SS18: variants seen among roughly 807,000 people sequenced by gnomAD.
The protein encoded by SS18 is protein SSXT.
In SS18, 28 loss-of-function variants were observed where a neutral mutation model predicts 72.5. The observed-to-expected ratio is 0.39, with a 90% CI of 0.29 to 0.53. The LOEUF is 0.53. Ranked by LOEUF, SS18 falls within the 20% of genes least tolerant of loss-of-function variation. The pLI is 0.76. For synonymous variants in SS18, 172 were observed against 164.2 expected, an observed-to-expected ratio of 1.05 and a Z score of -0.37; for missense variants, 518 against 535.3, an observed-to-expected ratio of 0.97 and a Z score of 0.32.
rs1263964963 is a variant in SS18, at chr18:26,035,056, G to C, written c.1045C>G (p.Gln349Glu). 4 of 1,613,630 alleles carry C rather than the reference G, an allele frequency of 2.5e-6. No homozygotes were observed. The highest frequency in any genetic ancestry group is 3.4e-6 in the Non-Finnish European group (4 of 1,179,686). ...CCTTGCTGCCCTGGGTACTGCTGCTGCTGGGGTGGATATCCCTGTTGTGGA... is the reference window on the plus strand; with the variant it reads ...CCTTGCTGCCCTGGGTACTGCTGCTCCTGGGGTGGATATCCCTGTTGTGGA... ...PPPQQGYPPQ[Q>E]QQYPGQQGYP... Residue 349 changes from glutamine to glutamate, a missense_variant, in exon 9 of 11, where the codon CAG becomes GAG. Coordinates refer to ENST00000415083, the MANE Select transcript of SS18 (RefSeq NM_001007559.3). This position sits in a 1 kb window ranked among gnomAD's most constrained non-coding sequence, Gnocchi z 4.4.
intron 3 of SS18, among the ~76,000 whole-genome samples, chr18:26,076,951 T>C (rs2054424776): frequency 6.6e-6 from 1 of 152,016 alleles, no homozygotes; most frequent in Non-Finnish European, 1.5e-5. Flanking sequence ...GCATTTATCA[T>C]GACTTTCCTA....
At chr18:26,038,052 A>T (rs970556560) in intron 7 of SS18, among the ~76,000 whole-genome samples, 6 of 152,138 alleles carry the variant, frequency 3.9e-5, no homozygotes, top group African/African-American at 1.4e-4. Context: ...AGTCTCCCAA[A>T]TTTTTCTCAA....
At chr18:26,047,792 G>A (rs543791272) in intron 5 of SS18, among the ~76,000 whole-genome samples, 8 of 149,238 alleles carry the variant, frequency 5.4e-5, no homozygotes, top group East Asian at 2.0e-4. Context: ...GCAGTGAACC[G>A]AGATCATGCC....
chr18:26,081,247 T>G (rs959415697), intron 2 of SS18: 6 of 152,178 alleles, frequency 3.9e-5, no homozygotes, highest in Admixed American at 3.9e-4. Flanking sequence ...TGGAGTGCAG[T>G]GGTGCGATCT....
In SS18 at chr18:26,066,600, G is replaced by GCGCGCA. The variant is rs148515889; in HGVS notation, c.232-8859_232-8858insTGCGCG. ...TTTTAATATAGTTCTGGAAATTTGT[G>GCGCGCA]CACACACACACACACACACACACAC... On this transcript the variant is annotated intron_variant, in intron 3 of 10. Transcript: ENST00000415083. 6.6e-4 allele frequency among the ~76,000 whole-genome samples: 95 copies of GCGCGCA among 144,332 alleles called. 2 individuals carry two copies. The highest frequency in any genetic ancestry group is 4.9e-4 in the African/African-American group (19 of 38,896). 94.7% of individuals were successfully genotyped at this position (144,332 alleles called of 152,430 possible). A position where few individuals can be genotyped will look rare whatever the true frequency, so the allele number is the denominator to read the frequency against.
intron 3 of SS18, among the ~76,000 whole-genome samples, chr18:26,058,469 C>T (rs558399526): frequency 2.0e-5 from 3 of 152,352 alleles, no homozygotes; most frequent in African/African-American, 4.8e-5. Flanking sequence ...CGGTTAGTTT[C>T]GCTCCAATCC....
At chr18:26,036,027 A>T in intron 7 of SS18, 104 bp from the exon 8 acceptor site, 1 of 765,422 alleles carries the variant, frequency 1.3e-6, no homozygotes, top group Non-Finnish European at 2.1e-6. Flanking sequence ...AAGAAAAAGA[A>T]ATGGAACATA....
chr18:26,076,659 G>A (rs2054418634), intron 3 of SS18, among the ~76,000 whole-genome samples: 1 of 151,826 alleles, frequency 6.6e-6, no homozygotes, highest in African/African-American at 2.4e-5. Flanking sequence ...CCATTACATT[G>A]TTATATGTTT....
intron 7 of SS18, among the ~76,000 whole-genome samples, chr18:26,036,842 C>T (rs921204642): frequency 1.3e-5 from 2 of 152,044 alleles, no homozygotes; most frequent in Non-Finnish European, 2.9e-5. Flanking sequence ...TTAATATGGC[C>T]AGTGGCAAGT....
At chr18:26,086,281 C>T (rs2054614113) in intron 2 of SS18, among the ~76,000 whole-genome samples, 2 of 152,130 alleles carry the variant, frequency 1.3e-5, no homozygotes, top group East Asian at 1.9e-4. Context: ...TTCACCATGG[C>T]TACCAAGGGT....
chr18:26,045,734 G>A (rs2053808324), intron 5 of SS18, among the ~76,000 whole-genome samples: 1 of 151,970 alleles, frequency 6.6e-6, no homozygotes, highest in Non-Finnish European at 1.5e-5. Flanking sequence ...CAGAAATCAT[G>A]CAAAACGATC....
Position 26,042,903 on chromosome 18 carries a change from T to C in SS18, c.608-3447A>G, listed in dbSNP as rs181594280. ...TATATATATAGAACATTCATACATA[T>C]ACACATGTATTTCACATCCTCAGAT... is the stretch of plus-strand genomic sequence containing the variant. On this transcript the variant is annotated intron_variant, in intron 5 of 10. Coordinates refer to ENST00000415083, the MANE Select transcript of SS18 (RefSeq NM_001007559.3). Among the ~76,000 whole-genome samples, 124 of 152,278 alleles carry C rather than the reference T, an allele frequency of 8.1e-4. 1 individual carries two copies. Among genetic ancestry groups the C allele is most frequent in the Non-Finnish European group, 1.4e-3 (98 of 67,986 alleles).
intron 2 of SS18, chr18:26,079,293 T>A (rs565629262): frequency 1.3e-5 from 2 of 152,310 alleles, no homozygotes; most frequent in African/African-American, 4.8e-5. Context: ...AAGCTTCTCT[T>A]CACAATTTTA....
chr18:26,059,223 ACAAAGAGG>A (rs1370007135), intron 3 of SS18, among the ~76,000 whole-genome samples: 1 of 152,220 alleles, frequency 6.6e-6, no homozygotes, highest in Non-Finnish European at 1.5e-5. Context: ...AGTGACTTAC[ACAAAGAGG>A]AACAGAAGGG....
chr18:26,049,515 A>G (rs887914346), intron 5 of SS18, among the ~76,000 whole-genome samples: 3 of 151,888 alleles, frequency 2.0e-5, no homozygotes, highest in African/African-American at 7.3e-5. Flanking sequence ...AACTGGAGTT[A>G]CTCTTTTTGT....
intron 5 of SS18, among the ~76,000 whole-genome samples, chr18:26,043,709 G>A (rs916067869): frequency 4.0e-4 from 61 of 152,080 alleles, no homozygotes; most frequent in African/African-American, 1.4e-3. Flanking sequence ...AAGAACAAGA[G>A]CAAGTAAGAA....
intron 3 of SS18, among the ~76,000 whole-genome samples, chr18:26,066,467 C>T (rs930206780): frequency 6.6e-6 from 1 of 152,084 alleles, no homozygotes; most frequent in African/African-American, 2.4e-5. Context: ...GTTTCAGTGA[C>T]GGTAATTCCA....
chr18:26,034,384 C>A (rs936831759), intron 9 of SS18, among the ~76,000 whole-genome samples: 1 of 152,068 alleles, frequency 6.6e-6, no homozygotes, highest in Non-Finnish European at 1.5e-5. Context: ...CGTCATTCCC[C>A]ACTCCCTATC....
Position 26,078,312 on chromosome 18 carries a change from C to T in SS18, c.147-152G>A, listed in dbSNP as rs2054453818. On this transcript the variant is annotated intron_variant, in intron 2 of 10. Transcript: ENST00000415083. ...CAATTTTTCCTACACTGCAAAAGTT[C>T]CAAATAATAAATATTTAAATATAAT... 7 of 517,804 alleles carry T rather than the reference C, an allele frequency of 1.4e-5. No homozygotes were observed. The South Asian group carries it at 1.8e-4, about 13-fold the overall frequency. 32.1% of individuals were successfully genotyped at this position (517,804 alleles called of 1,614,324 possible).
Sources: gnomAD v4.1 joint callset for allele counts (sites outside exome capture counted in the v4.1 genomes callset) on GRCh38, gnomAD v4.1.1 for gene constraint, Gnocchi (gnomAD v3.1) non-coding constraint, MANE v1.5 for transcripts, NCBI Gene and HGNC (gene_info 2026-07-23, HGNC 2026-07-21) for gene names.